ZNF704: variants seen among roughly 807,000 people sequenced by gnomAD.
ZNF704 encodes zinc finger protein 704.
ZNF704 carries 10 observed loss-of-function variants against 44.7 expected under a neutral mutation model. The ratio of observed to expected loss-of-function variants is 0.22; its 90% confidence interval spans 0.14 to 0.38. The LOEUF is 0.38. ZNF704 is among the 10% of genes least tolerant of loss of function. The pLI is 1.00. For missense variants in ZNF704, 390 were observed against 545.5 expected (o/e 0.71, Z 2.84); for synonymous variants, 211 against 207.6 (o/e 1.02, Z -0.14).
chr8:80,829,353 T>A (rs1294804199), intron 1 of ZNF704, among the ~76,000 whole-genome samples: 1 of 152,090 alleles, frequency 6.6e-6, no homozygotes. Context: ...ATTCCTAACC[T>A]ATGTTACAAC....
At chr8:80,806,519 T>C (rs1026362845) in intron 2 of ZNF704, among the ~76,000 whole-genome samples, 2 of 152,228 alleles carry the variant, frequency 1.3e-5, no homozygotes. Flanking sequence ...CATGTAATTA[T>C]ATTACTCAGA....
intron 7 of ZNF704, among the ~76,000 whole-genome samples, chr8:80,647,026 T>C (rs2131592997): frequency 6.6e-6 from 1 of 152,330 alleles, no homozygotes; most frequent in Middle Eastern, 3.4e-3. Flanking sequence ...GATATGAGAT[T>C]ATTGGATACT....
At chr8:80,858,067 A>G (rs755906975) in intron 1 of ZNF704, among the ~76,000 whole-genome samples, 6 of 152,148 alleles carry the variant, frequency 3.9e-5, no homozygotes, top group Non-Finnish European at 5.9e-5. Flanking sequence ...CAGAAAAGTA[A>G]TATGTCTGAA....
chr8:80,631,244 T>A lies in ZNF704; in HGVS notation c.*10122A>T, dbSNP rs1364534303. Reference sequence around the variant, plus strand: ...TGGGTAGTTTATCATGAAACTCCGCTGTATATCCCTGAGGGGTATATTCAC... The same window carrying A: ...TGGGTAGTTTATCATGAAACTCCGCAGTATATCCCTGAGGGGTATATTCAC... On this transcript the variant is annotated 3_prime_UTR_variant, in exon 9 of 9. Transcript: ENST00000327835. 1 of 152,034 alleles carries A rather than the reference T, an allele frequency of 6.6e-6. No homozygotes were observed. The allele number at this position is 152,034 out of a possible 1,614,324, so 9.4% of individuals were successfully genotyped here. A position where few individuals can be genotyped will look rare whatever the true frequency, so the allele number is the denominator to read the frequency against.
chr8:80,724,332 T>C (rs897654886), intron 2 of ZNF704, among the ~76,000 whole-genome samples: 3 of 152,258 alleles, frequency 2.0e-5, no homozygotes, highest in African/African-American at 7.2e-5. Flanking sequence ...AAAAACATTC[T>C]GGATGCAGAA....
In ZNF704 at chr8:80,687,210, G is replaced by A. The variant is rs373300128; in HGVS notation, c.558+16C>T. On this transcript the variant is annotated intron_variant, in intron 4 of 8. Coordinates refer to ENST00000327835, the MANE Select transcript of ZNF704 (RefSeq NM_001033723.3). ...CAGGAAACTGAATGCAGAAGACCGC[G>A]TGGCTGACCACCAACCTTTCTTTTC... 3.1e-6 allele frequency: 5 copies of A among 1,603,874 alleles called. No individual in the cohort carries two copies. Among genetic ancestry groups the A allele is most frequent in the African/African-American group, 1.3e-5 (1 of 74,780 alleles).
At chr8:80,731,470 C>T (rs573820368) in intron 2 of ZNF704, among the ~76,000 whole-genome samples, 1 of 152,228 alleles carries the variant, frequency 6.6e-6, no homozygotes, top group Non-Finnish European at 1.5e-5. Flanking sequence ...CATAAATACA[C>T]CATAACATTA....
At chr8:80,734,517 T>A (rs1270154610) in intron 2 of ZNF704, among the ~76,000 whole-genome samples, 1 of 152,158 alleles carries the variant, frequency 6.6e-6, no homozygotes, top group Non-Finnish European at 1.5e-5. Context: ...AACTTAAAAA[T>A]TCAGATAATT....
At chr8:80,838,630 GAAGA>G (rs1363753472) in intron 1 of ZNF704, among the ~76,000 whole-genome samples, 1 of 150,938 alleles carries the variant, frequency 6.6e-6, no homozygotes, top group East Asian at 2.0e-4. Context: ...GGAGGAGGAG[GAAGA>G]GTTAGGGAGG....
Position 80,670,514 on chromosome 8 carries a change from G to T in ZNF704, c.648C>A (p.Thr216=). The change falls in exon 5 of 9, where the codon ACC becomes ACA. Residue 216 remains threonine (T), a synonymous_variant. Transcript: ENST00000327835. ...TAAGIQKHIR[T]IHLGRVGDSD... ...GAGAGCTGCCTTACCCCAGATGGAT[G>T]GTTCGGATGTGTTTCTGGATACCTG... 6.2e-7 allele frequency: 1 copy of T among 1,613,738 alleles called. No individual in the cohort carries two copies. The highest frequency in any genetic ancestry group is 8.5e-7 in the Non-Finnish European group (1 of 1,179,758).
intron 2 of ZNF704, among the ~76,000 whole-genome samples, chr8:80,703,017 G>A (rs1818836118): frequency 6.6e-6 from 1 of 152,076 alleles, no homozygotes; most frequent in African/African-American, 2.4e-5. Context: ...CAAAGGCTTG[G>A]TAACAGCCGC....
intron 1 of ZNF704, among the ~76,000 whole-genome samples, chr8:80,863,463 C>G (rs77858729): frequency 0.013 from 1,991 of 152,278 alleles, 43 homozygotes; most frequent in African/African-American, 0.045. Flanking sequence ...CTCTGCCGGT[C>G]TCCAAATGTT....
intron 1 of ZNF704, among the ~76,000 whole-genome samples, chr8:80,844,949 G>C (rs1261294172): frequency 1.3e-5 from 2 of 151,842 alleles, no homozygotes; most frequent in Non-Finnish European, 2.9e-5. Flanking sequence ...CAAAGTGCTG[G>C]TATTACAGGC....
intron 2 of ZNF704, among the ~76,000 whole-genome samples, chr8:80,715,210 T>G (rs778802232): frequency 6.6e-6 from 1 of 152,244 alleles, no homozygotes; most frequent in Non-Finnish European, 1.5e-5. Flanking sequence ...TCGGACACTA[T>G]TAATGTATAA....
chr8:80,750,076 C>T (rs1024146204), intron 2 of ZNF704, among the ~76,000 whole-genome samples: 3 of 152,276 alleles, frequency 2.0e-5, no homozygotes, highest in Non-Finnish European at 2.9e-5. Flanking sequence ...AAGAACTCCT[C>T]CTGGATGGGC....
At chr8:80,726,266 G>T (rs1676413631) in intron 2 of ZNF704, among the ~76,000 whole-genome samples, 2 of 148,600 alleles carry the variant, frequency 1.3e-5, no homozygotes, top group South Asian at 2.1e-4. Context: ...ATCAACACAT[G>T]TGTTTTTTAA....
intron 2 of ZNF704, among the ~76,000 whole-genome samples, chr8:80,775,362 A>C (rs1224162220): frequency 6.6e-6 from 1 of 152,198 alleles, no homozygotes; most frequent in Non-Finnish European, 1.5e-5. Flanking sequence ...AAACATTTCC[A>C]CTTATAGTTA....
chr8:80,805,918 G>A (rs574139030), intron 2 of ZNF704, among the ~76,000 whole-genome samples: 3 of 152,174 alleles, frequency 2.0e-5, no homozygotes, highest in South Asian at 4.2e-4. Flanking sequence ...ACCTGCCATC[G>A]CCTCCCACCT....
chr8:80,641,532 A>T, intron 8 of ZNF704, 55 bp from the exon 9 acceptor site: 1 of 1,079,934 alleles, frequency 9.3e-7, no homozygotes, highest in Non-Finnish European at 1.3e-6. Context: ...TGGGCATTCT[A>T]TGGAGAGCTC....
Sources: gnomAD v4.1 joint callset for allele counts (sites outside exome capture counted in the v4.1 genomes callset) on GRCh38, gnomAD v4.1.1 for gene constraint, MANE v1.5 for transcripts, NCBI Gene and HGNC (gene_info 2026-07-23, HGNC 2026-07-21) for gene names.